The following NSF variants were observed in gnomAD, a reference collection of about 807,000 sequenced individuals.
The protein encoded by NSF is N-ethylmaleimide sensitive factor, vesicle fusing ATPase.
Under a neutral mutation model 50.3 loss-of-function variants are expected in NSF, and 14 were observed. That is an observed-to-expected ratio of 0.28 (90% CI 0.18 to 0.44). The LOEUF (loss-of-function observed/expected upper bound fraction) is 0.44. Ranked by LOEUF, NSF falls within the 20% of genes least tolerant of loss-of-function variation. The pLI is 1.00. For synonymous variants in NSF, 109 were observed against 175.7 expected (o/e 0.62, Z 3.00); for missense variants, 218 against 504.3 (o/e 0.43, Z 5.44).
intron 17 of NSF, among the ~76,000 whole-genome samples, chr17:46,731,010 G>A (rs138143489): frequency 6.6e-6 from 1 of 152,170 alleles, no homozygotes; most frequent in East Asian, 1.9e-4. Context: ...ATATAACCCA[G>A]CTATTCCACC....
chr17:46,743,971 C>T (rs547958883), intron 17 of NSF, among the ~76,000 whole-genome samples: 2 of 152,280 alleles, frequency 1.3e-5, no homozygotes, highest in East Asian at 1.9e-4. Flanking sequence ...AGGATTTAGG[C>T]GCATTCAGGA....
intron 9 of NSF, among the ~76,000 whole-genome samples, chr17:46,675,954 A>C (rs1252491909): frequency 3.7e-5 from 5 of 134,194 alleles, no homozygotes; most frequent in Non-Finnish European, 6.1e-5. Context: ...CTTCAGAAAG[A>C]AAACTGGATC....
intron 13 of NSF, among the ~76,000 whole-genome samples, chr17:46,707,743 T>C (rs1214028950): frequency 2.0e-5 from 3 of 151,988 alleles, no homozygotes; most frequent in African/African-American, 7.2e-5. Context: ...TAATACTCCA[T>C]TATATGGGCC....
At chr17:46,710,325 G>A (rs1415876885) in intron 13 of NSF, among the ~76,000 whole-genome samples, 1 of 152,104 alleles carries the variant, frequency 6.6e-6, no homozygotes, top group Non-Finnish European at 1.5e-5. Flanking sequence ...CAATGAAGAA[G>A]GGTGCAATTT....
intron 15 of NSF, among the ~76,000 whole-genome samples, chr17:46,725,828 C>T (rs1352148712): frequency 2.6e-5 from 4 of 152,128 alleles, no homozygotes; most frequent in Non-Finnish European, 5.9e-5. Context: ...CACCTGTAGT[C>T]TCTGGAATAG....
chr17:46,751,625 C>G lies in NSF; in HGVS notation c.2157+9C>G, dbSNP rs1440949422. 1 of 1,563,360 alleles carries G rather than the reference C, an allele frequency of 6.4e-7. No homozygotes were observed. Among genetic ancestry groups the G allele is most frequent in the African/African-American group, 1.3e-5 (1 of 74,242 alleles). ...TCGAGATGTCCCTACAGGTAAGGTA[C>G]TTCGTTCTCCGTATGACTCAGACAG... On this transcript the variant is annotated intron_variant, in intron 19 of 20. Coordinates refer to ENST00000398238, the MANE Select transcript of NSF (RefSeq NM_006178.4).
At chr17:46,747,809 A>G (rs974034330) in intron 17 of NSF, among the ~76,000 whole-genome samples, 1 of 152,228 alleles carries the variant, frequency 6.6e-6, no homozygotes, top group African/African-American at 2.4e-5. Context: ...AGAGGTTCCC[A>G]GTGGGTGATA....
In NSF at chr17:46,711,090, G is replaced by A. The variant is rs1420619832; in HGVS notation, c.1598G>A (p.Arg533His). 6.4e-7 allele frequency: 1 copy of A among 1,560,008 alleles called. No homozygotes were observed. The highest frequency in any genetic ancestry group is 8.6e-7 in the Non-Finnish European group (1 of 1,160,326). The change falls in exon 14 of 21, where the codon CGC (arginine) becomes CAC (histidine). Residue 533 changes from arginine to histidine, a missense_variant. This residue lies in a region of NSF where 209 missense variants were observed against 320.9 expected (regional missense o/e 0.65). Transcript: ENST00000398238. ...LLVQQTKNSD[R>H]TPLVSVLLEG... is the part of the protein sequence containing the mutation. ...GTGCAGCAGACTAAGAACAGTGACC[G>A]CACACCATTGGTCAGCGTGCTTCTG...
At chr17:46,691,633 CGG>C (rs1568032912) in intron 9 of NSF, among the ~76,000 whole-genome samples, 3 of 151,718 alleles carry the variant, frequency 2.0e-5, no homozygotes, top group East Asian at 1.9e-4. Context: ...ATATCCTTAT[CGG>C]AGATTTAATG....
intron 19 of NSF, among the ~76,000 whole-genome samples, chr17:46,752,051 C>T (rs750162329): frequency 6.6e-6 from 1 of 152,170 alleles, no homozygotes; most frequent in Non-Finnish European, 1.5e-5. Context: ...CAAACGGTGT[C>T]TGGGAGACTG....
intron 9 of NSF, among the ~76,000 whole-genome samples, chr17:46,678,363 A>C (rs141783865): frequency 0.13 from 10,798 of 85,966 alleles, 983 homozygotes; most frequent in Non-Finnish European, 0.17. Flanking sequence ...ATCAGTAAGT[A>C]AAATTAACTC....
intron 15 of NSF, among the ~76,000 whole-genome samples, chr17:46,720,790 C>G (rs554268105): frequency 6.6e-6 from 1 of 152,288 alleles, no homozygotes; most frequent in African/African-American, 2.4e-5. Flanking sequence ...ACTCTTTCAG[C>G]TCCCAGAAGA....
intron 20 of NSF, 154 bp from the exon 21 acceptor site, chr17:46,755,648 T>C (rs1267607796): frequency 2.5e-6 from 2 of 809,550 alleles, no homozygotes; most frequent in Admixed American, 2.9e-5. Context: ...GTGACCATTT[T>C]CTTTTGTGAA....
rs984522009 is a variant in NSF, at chr17:46,755,993, T to C, written c.*170T>C. On this transcript the variant is annotated 3_prime_UTR_variant, in exon 21 of 21. Transcript: ENST00000398238. The stretch of plus-strand genomic sequence containing the variant: ...ATAAAACTCCCTTCCTTATGCATAC[T>C]GAGATAGCTTAGTGTCTCGTGGAAG... The C allele has an allele frequency of 6.4e-6, 4 of 620,314 alleles. No individual in the cohort carries two copies. In the Admixed American group the frequency reaches 1.3e-4, roughly 20 times the overall value. 38.4% of individuals were successfully genotyped at this position (620,314 alleles called of 1,614,324 possible).
At chr17:46,732,301 G>A (rs1354361418) in intron 17 of NSF, among the ~76,000 whole-genome samples, 5 of 151,970 alleles carry the variant, frequency 3.3e-5, no homozygotes, top group Non-Finnish European at 7.4e-5. Context: ...ATCCCTTCAG[G>A]GGCACTATGT....
rs532377748 is a variant in NSF, at chr17:46,747,920, T to C, written c.1909-1853T>C. Among the ~76,000 whole-genome samples, 9 of 152,078 alleles carry C rather than the reference T, an allele frequency of 5.9e-5. No individual in the cohort carries two copies. In the East Asian group the frequency reaches 1.7e-3, roughly 29 times the overall value. ...AAGAAGGAATCTAGTGCCAGCAAAA[T>C]GAGTATAGAAAGAACCATCTTAGGA... is the stretch of plus-strand genomic sequence containing the variant. On this transcript the variant is annotated intron_variant, in intron 17 of 20. Transcript: ENST00000398238.
At chr17:46,713,467 A>G (rs901490029) in intron 14 of NSF, 1 of 161,942 alleles carries the variant, frequency 6.2e-6, no homozygotes, top group Non-Finnish European at 1.3e-5. Context: ...CCTGCCCCCA[A>G]TATCAGCTCT....
chr17:46,714,063 C>G lies in NSF; in HGVS notation c.1761+77C>G. ...GTGTGCACATATATATGCCTTTGTA[C>G]ATGTATACATATAAACCCATAGCAA... On this transcript the variant is annotated intron_variant, in intron 15 of 20. Coordinates refer to ENST00000398238, the MANE Select transcript of NSF (RefSeq NM_006178.4). 5 of 1,418,980 alleles carry G rather than the reference C, an allele frequency of 3.5e-6. No individual in the cohort carries two copies. The South Asian group carries it at 7.4e-5, about 21-fold the overall frequency. The allele number at this position is 1,418,980 out of a possible 1,614,324, so 87.9% of individuals were successfully genotyped here.
chr17:46,612,024 TCAA>T (rs1402673372), intron 1 of NSF, among the ~76,000 whole-genome samples: 10 of 79,278 alleles, frequency 1.3e-4, no homozygotes, highest in Non-Finnish European at 1.9e-4. Context: ...CCCTTTCAAC[TCAA>T]CAAAGATAAG....
Sources: allele counts gnomAD v4.1 joint callset (sites outside exome capture counted in the v4.1 genomes callset), GRCh38; gene constraint gnomAD v4.1.1; regional missense constraint gnomAD v4.1.1; transcripts MANE v1.5; gene names NCBI Gene and HGNC (gene_info 2026-07-23, HGNC 2026-07-21).